Variants in UGT2A1 observed in about 807,000 individuals in gnomAD.
The protein encoded by UGT2A1 is UDP-glucuronosyltransferase 2A1.
In UGT2A1, 61 loss-of-function variants were observed where a neutral mutation model predicts 45.4. The observed-to-expected ratio is 1.34, with a 90% CI of 1.09 to 1.66. UGT2A1 has a LOEUF of 1.66. Ranked by LOEUF, UGT2A1 falls within the 40% of genes most tolerant of loss-of-function variation. The probability of loss-of-function intolerance (pLI) is 0.00; values close to 1 mark genes in which losing one functional copy is unlikely to be tolerated. For synonymous variants in UGT2A1, 229 were observed against 196.2 expected, an observed-to-expected ratio of 1.17 and a Z score of -1.40; for missense variants, 649 against 574.3, an observed-to-expected ratio of 1.13 and a Z score of -1.33.
At chr4:69,597,822 T>C (rs1179367166) in intron 4 of UGT2A1, among the ~76,000 whole-genome samples, 5 of 152,164 alleles carry the variant, frequency 3.3e-5, no homozygotes, top group African/African-American at 1.2e-4. Flanking sequence ...TTGTATTCTG[T>C]GTACCCAGTG....
At position 69,603,055 on chromosome 4, in the gene UGT2A1, A is replaced by C. The variant is rs1455512729; in HGVS notation, c.848-3661T>G. Among the ~76,000 whole-genome samples, 7 of 135,622 alleles carry C rather than the reference A, an allele frequency of 5.2e-5. 1 individual carries two copies. Among genetic ancestry groups the C allele is most frequent in the Non-Finnish European group, 1.1e-4 (7 of 64,060 alleles). 89.0% of individuals were successfully genotyped at this position (135,622 alleles called of 152,430 possible). ...GCAATCCACCCTGGGTGACAGAGAG[A>C]GACTCCATCTAAAAAAAATAAAAAA... On this transcript the variant is annotated intron_variant, in intron 3 of 6. Transcript: ENST00000286604.
rs190478364 is a variant in UGT2A1, at chr4:69,637,863, A to C, written c.716-2041T>G. ...CTTTTTTTTACACAAAGTAAACAAGAGAGAATGAAGGAAGAAAAGTAAAAA... is the reference window on the plus strand; with the variant it reads ...CTTTTTTTTACACAAAGTAAACAAGCGAGAATGAAGGAAGAAAAGTAAAAA... On this transcript the variant is annotated intron_variant, in intron 2 of 6. Coordinates refer to ENST00000286604, the MANE Select transcript of UGT2A1 (RefSeq NM_001252275.3). 1.7e-3 allele frequency among the ~76,000 whole-genome samples: 262 copies of C among 151,964 alleles called. 1 individual carries two copies. The highest frequency in any genetic ancestry group is 6.8e-3 in the Middle Eastern group (2 of 292).
intron 2 of UGT2A1, among the ~76,000 whole-genome samples, chr4:69,646,651 C>A (rs1053703958): frequency 5.9e-5 from 9 of 151,806 alleles, no homozygotes; most frequent in Non-Finnish European, 1.3e-4. Context: ...TAATTATCTA[C>A]ATGAGATCCA....
intron 1 of UGT2A1, among the ~76,000 whole-genome samples, chr4:69,652,968 G>C (rs767355685): frequency 2.7e-4 from 41 of 152,316 alleles, no homozygotes; most frequent in Non-Finnish European, 5.0e-4. Flanking sequence ...TGTCCACACA[G>C]TTCCCTCGAT....
chr4:69,624,146 T>C (rs1274693815), intron 3 of UGT2A1, among the ~76,000 whole-genome samples: 2 of 151,646 alleles, frequency 1.3e-5, no homozygotes, highest in Non-Finnish European at 3.0e-5. Flanking sequence ...CAATTTACTT[T>C]CTTTACGTTG....
intron 3 of UGT2A1, among the ~76,000 whole-genome samples, chr4:69,601,560 C>A (rs1037421430): frequency 1.3e-5 from 2 of 152,158 alleles, no homozygotes; most frequent in African/African-American, 4.8e-5. Flanking sequence ...TCTGCATGAC[C>A]TCAGCTATCA....
In UGT2A1 at chr4:69,594,464, C is replaced by A; in HGVS notation, c.1304+13G>T. 6.2e-7 allele frequency: 1 copy of A among 1,613,642 alleles called. No individual in the cohort carries two copies. Among genetic ancestry groups the A allele is most frequent in the Non-Finnish European group, 8.5e-7 (1 of 1,179,848 alleles). ...TTAAAGTTAGGCAAGTTTTTAGGAGCCTTAGTACTTACGAAGGTTCATTAA... is the reference window on the plus strand; with the variant it reads ...TTAAAGTTAGGCAAGTTTTTAGGAGACTTAGTACTTACGAAGGTTCATTAA... On this transcript the variant is annotated intron_variant, in intron 6 of 6. Coordinates refer to ENST00000286604, the MANE Select transcript of UGT2A1 (RefSeq NM_001252275.3).
At chr4:69,615,785 G>A (rs1720343374) in intron 3 of UGT2A1, among the ~76,000 whole-genome samples, 1 of 151,974 alleles carries the variant, frequency 6.6e-6, no homozygotes, top group African/African-American at 2.4e-5. Flanking sequence ...TATGGAAAAA[G>A]GGAACCCTTG....
chr4:69,596,661 A>G (rs1407590508), intron 4 of UGT2A1, among the ~76,000 whole-genome samples: 1 of 151,854 alleles, frequency 6.6e-6, no homozygotes, highest in Non-Finnish European at 1.5e-5. Context: ...AACTGGGATT[A>G]TAGTCTCATG....
chr4:69,624,099 T>C (rs1720904865), intron 3 of UGT2A1, among the ~76,000 whole-genome samples: 1 of 151,602 alleles, frequency 6.6e-6, no homozygotes, highest in African/African-American at 2.4e-5. Flanking sequence ...TCTCCAAGTA[T>C]AAATGGGAAT....
At chr4:69,617,079 G>T (rs1182862285) in intron 3 of UGT2A1, among the ~76,000 whole-genome samples, 1 of 151,672 alleles carries the variant, frequency 6.6e-6, no homozygotes, top group African/African-American at 2.4e-5. Context: ...CTCTGATCTT[G>T]ATTTCTTCAT....
At position 69,604,625 on chromosome 4, in the gene UGT2A1, C is replaced by A. The variant is rs994078887; in HGVS notation, c.848-5231G>T. On this transcript the variant is annotated intron_variant, in intron 3 of 6. Coordinates refer to ENST00000286604, the MANE Select transcript of UGT2A1 (RefSeq NM_001252275.3). The stretch of plus-strand genomic sequence containing the variant: ...GCTCCAATTAAAAGACACAGACTGG[C>A]AAATTGGATAAAGAGCCAAGACCCA... 3.7e-5 allele frequency among the ~76,000 whole-genome samples: 5 copies of A among 136,598 alleles called. 1 individual carries two copies. Among genetic ancestry groups the A allele is most frequent in the South Asian group, 2.4e-4 (1 of 4,182 alleles). 89.6% of individuals were successfully genotyped at this position (136,598 alleles called of 152,430 possible). A position where few individuals can be genotyped will look rare whatever the true frequency, so the allele number is the denominator to read the frequency against.
At chr4:69,632,944 C>T (rs1034585476) in intron 3 of UGT2A1, among the ~76,000 whole-genome samples, 10 of 150,666 alleles carry the variant, frequency 6.6e-5, no homozygotes, top group African/African-American at 2.2e-4. Flanking sequence ...TCAAGGAATA[C>T]GTTATGCACT....
At chr4:69,591,024 G>C (rs1216333765) in intron 6 of UGT2A1, among the ~76,000 whole-genome samples, 1 of 152,056 alleles carries the variant, frequency 6.6e-6, no homozygotes, top group South Asian at 2.1e-4. Context: ...GGTGGTATTT[G>C]GTTTAGGGTT....
Position 69,599,231 on chromosome 4 carries a change from C to G in UGT2A1, c.996+15G>C. The G allele has an allele frequency of 6.3e-7, 1 of 1,593,956 alleles. No individual in the cohort carries two copies. Among genetic ancestry groups the G allele is most frequent in the African/African-American group, 1.4e-5 (1 of 73,624 alleles). On this transcript the variant is annotated intron_variant, in intron 4 of 6. Coordinates refer to ENST00000286604, the MANE Select transcript of UGT2A1 (RefSeq NM_001252275.3). Reference sequence around the variant, plus strand: ...ATTATGAAGAGCATAAAATCCTCCACTGTTGTAGACCTACCTTAGGTAAAG... The same window carrying G: ...ATTATGAAGAGCATAAAATCCTCCAGTGTTGTAGACCTACCTTAGGTAAAG...
chr4:69,619,484 C>A (rs1042322373), intron 3 of UGT2A1, among the ~76,000 whole-genome samples: 4 of 151,608 alleles, frequency 2.6e-5, no homozygotes, highest in South Asian at 2.1e-4. Flanking sequence ...GTCTTACATA[C>A]CCCATACAAA....
chr4:69,589,353 A>G lies in UGT2A1; in HGVS notation c.*19T>C. The G allele has an allele frequency of 1.9e-6, 3 of 1,591,590 alleles. No homozygotes were observed. The highest frequency in any genetic ancestry group is 2.2e-5 in the East Asian group (1 of 44,656). On this transcript the variant is annotated 3_prime_UTR_variant, in exon 7 of 7. Transcript: ENST00000286604. ...TTTTGCCAAACTTAAAAATATATAT[A>G]TTTCCTCTTTTTCTTGACCTATTCT...
At chr4:69,591,536 A>G (rs2109873826) in intron 6 of UGT2A1, among the ~76,000 whole-genome samples, 1 of 152,194 alleles carries the variant, frequency 6.6e-6, no homozygotes, top group African/African-American at 2.4e-5. Flanking sequence ...TAGGTTGTGA[A>G]ACGTTTCTTA....
chr4:69,615,146 A>G (rs1486790039), intron 3 of UGT2A1, among the ~76,000 whole-genome samples: 3 of 152,068 alleles, frequency 2.0e-5, no homozygotes, highest in African/African-American at 7.2e-5. Flanking sequence ...ATGAGGACAC[A>G]GGAGACAAAC....
Sources: allele counts gnomAD v4.1 joint callset (sites outside exome capture counted in the v4.1 genomes callset), GRCh38; gene constraint gnomAD v4.1.1; transcripts MANE v1.5; gene names NCBI Gene and HGNC (gene_info 2026-07-23, HGNC 2026-07-21).